Variants in DDX6 observed in about 807,000 individuals in gnomAD.
The protein encoded by DDX6 is probable ATP-dependent RNA helicase DDX6.
DDX6 carries 7 observed loss-of-function variants against 60.6 expected under a neutral mutation model. That is an observed-to-expected ratio of 0.12 (90% confidence interval 0.07 to 0.22). The LOEUF (loss-of-function observed/expected upper bound fraction) is 0.22. Ranked by LOEUF, DDX6 falls within the 10% of genes least tolerant of loss-of-function variation. The pLI is 1.00. For missense variants in DDX6, 270 were observed against 589.9 expected, an observed-to-expected ratio of 0.46 and a Z score of 5.62; for synonymous variants, 207 against 201.0, an observed-to-expected ratio of 1.03 and a Z score of -0.25.
chr11:118,774,121 T>C (rs1555163168), intron 4 of DDX6, among the ~76,000 whole-genome samples: 1 of 152,142 alleles, frequency 6.6e-6, no homozygotes, highest in Non-Finnish European at 1.5e-5. Flanking sequence ...TTCACCTTCT[T>C]AGAGTTTCGA....
chr11:118,789,895 G>A (rs1031837687), intron 1 of DDX6: 8 of 151,934 alleles, frequency 5.3e-5, no homozygotes, highest in Non-Finnish European at 1.0e-4. Flanking sequence ...TCCCAATTTA[G>A]ATTTGCAAGT....
At chr11:118,760,255 A>T (rs1861119256) in intron 7 of DDX6, among the ~76,000 whole-genome samples, 1 of 152,152 alleles carries the variant, frequency 6.6e-6, no homozygotes. Context: ...GAAAAAAAAA[A>T]TTCTACACTA....
intron 12 of DDX6, 58 bp downstream of exon 12, chr11:118,755,344 G>A (rs1354061540): frequency 1.0e-6 from 1 of 996,852 alleles, no homozygotes; most frequent in Non-Finnish European, 1.6e-6. Context: ...ACAAAATTTA[G>A]TCATTACACG....
In DDX6 at chr11:118,747,901, G is replaced by GGCCC. The variant is rs1352818982; in HGVS notation, c.*4203_*4204insGGGC. 15 of 101,202 alleles carry GGCCC rather than the reference G, an allele frequency of 1.5e-4. No homozygotes were observed. The highest frequency in any genetic ancestry group is 5.5e-4 in the South Asian group (1 of 1,826). 6.3% of individuals were successfully genotyped at this position (101,202 alleles called of 1,614,324 possible). The stretch of plus-strand genomic sequence containing the variant: ...CATAACACATCCCAACAAAAACAGA[G>GGCCC]CCCCCCCCCCCCCCACTGGAACATC... On this transcript the variant is annotated 3_prime_UTR_variant, in exon 14 of 14. Transcript: ENST00000534980.
chr11:118,789,467 A>G (rs1359720899), intron 1 of DDX6: 1 of 152,216 alleles, frequency 6.6e-6, no homozygotes, highest in Non-Finnish European at 1.5e-5. Context: ...TCAAAATTTT[A>G]AAGTCAACAG....
chr11:118,785,852 G>A (rs1037278469), intron 2 of DDX6, 200 bp downstream of exon 2: 2 of 464,090 alleles, frequency 4.3e-6, no homozygotes, highest in Non-Finnish European at 7.5e-6. Flanking sequence ...TCTGACCTCA[G>A]GATGACTACT....
chr11:118,780,047 C>T (rs1004320829), intron 3 of DDX6, among the ~76,000 whole-genome samples: 4 of 121,952 alleles, frequency 3.3e-5, no homozygotes, highest in East Asian at 2.9e-4. Flanking sequence ...ACCCAGGAGA[C>T]GGAGGTTGCA....
chr11:118,769,967 C>T (rs1861482472), intron 4 of DDX6, among the ~76,000 whole-genome samples: 1 of 152,068 alleles, frequency 6.6e-6, no homozygotes, highest in Non-Finnish European at 1.5e-5. Flanking sequence ...TTTGGCCTCC[C>T]AAAGTGCTGG....
chr11:118,777,871 A>G (rs942508897), intron 4 of DDX6, among the ~76,000 whole-genome samples: 4 of 146,910 alleles, frequency 2.7e-5, no homozygotes, highest in African/African-American at 1.0e-4. Flanking sequence ...CCTCTCTGAC[A>G]GAGCTAGACT....
At chr11:118,757,460 T>A (rs1861015877) in intron 9 of DDX6, among the ~76,000 whole-genome samples, 173 bp from the exon 10 acceptor site, 1 of 152,202 alleles carries the variant, frequency 6.6e-6, no homozygotes, top group Non-Finnish European at 1.5e-5. Context: ...AGATGGAAGA[T>A]AATAATATCT....
intron 2 of DDX6, among the ~76,000 whole-genome samples, chr11:118,784,821 G>C (rs1862021094): frequency 2.0e-5 from 3 of 151,452 alleles, no homozygotes; most frequent in East Asian, 3.9e-4. Flanking sequence ...GTGCAATCTC[G>C]GCTCACTGCA....
chr11:118,771,448 T>C (rs1861532545), intron 4 of DDX6, among the ~76,000 whole-genome samples: 1 of 152,202 alleles, frequency 6.6e-6, no homozygotes, highest in Non-Finnish European at 1.5e-5. Context: ...TAAGACACCC[T>C]GATATTTTGC....
intron 4 of DDX6, among the ~76,000 whole-genome samples, chr11:118,768,953 T>A (rs1229263584): frequency 3.4e-5 from 4 of 116,400 alleles, no homozygotes; most frequent in Non-Finnish European, 6.5e-5. Flanking sequence ...ATTGCACCAC[T>A]GTACTCCAGC....
chr11:118,752,128 T>C lies in DDX6; in HGVS notation c.*8-31A>G, dbSNP rs1860795929. ...GAAGAAGAGAATACAAAATTAACATTCTGAAAGCAACACAAACTAGGATAC... is the reference window on the plus strand; with the variant it reads ...GAAGAAGAGAATACAAAATTAACATCCTGAAAGCAACACAAACTAGGATAC... On this transcript the variant is annotated intron_variant, in intron 13 of 13. Coordinates refer to ENST00000534980, the MANE Select transcript of DDX6 (RefSeq NM_004397.6). 6 of 218,390 alleles carry C rather than the reference T, an allele frequency of 2.7e-5. No homozygotes were observed. The South Asian group carries it at 3.3e-4, about 12-fold the overall frequency. 13.5% of individuals were successfully genotyped at this position (218,390 alleles called of 1,614,324 possible).
At chr11:118,756,224 A>G (rs1555158900) in intron 11 of DDX6, 36 bp downstream of exon 11, 2 of 1,594,090 alleles carry the variant, frequency 1.3e-6, no homozygotes, top group Non-Finnish European at 1.7e-6. Context: ...AACTTGGGAG[A>G]AAAACACTGG....
At chr11:118,785,674 T>C (rs953802186) in intron 2 of DDX6, among the ~76,000 whole-genome samples, 5 of 152,146 alleles carry the variant, frequency 3.3e-5, no homozygotes, top group African/African-American at 1.2e-4. Flanking sequence ...GTTGGCTTTA[T>C]CTGCTGTTTA....
chr11:118,760,121 T>A, intron 7 of DDX6, 77 bp from the exon 8 acceptor site: 1 of 1,308,170 alleles, frequency 7.6e-7, no homozygotes. Context: ...GGTCAAAGAA[T>A]AAGGCATCAT....
chr11:118,756,098 TA>T, intron 11 of DDX6, among the ~76,000 whole-genome samples, 161 bp downstream of exon 11: 1 of 137,408 alleles, frequency 7.3e-6, no homozygotes, highest in African/African-American at 2.7e-5. Flanking sequence ...TGGAACCCAG[TA>T]TCAGGAGCTG....
chr11:118,776,539 A>T (rs142119863), intron 4 of DDX6, among the ~76,000 whole-genome samples: 1 of 152,314 alleles, frequency 6.6e-6, no homozygotes, highest in African/African-American at 2.4e-5. Context: ...AGGAACTCTC[A>T]TAAGACCTCA....
Sources: gnomAD v4.1 joint callset for allele counts (sites outside exome capture counted in the v4.1 genomes callset) on GRCh38, gnomAD v4.1.1 for gene constraint, MANE v1.5 for transcripts, NCBI Gene and HGNC (gene_info 2026-07-23, HGNC 2026-07-21) for gene names.